The following COX6C variants were observed in gnomAD, a reference collection of about 807,000 sequenced individuals.
COX6C encodes the protein cytochrome c oxidase subunit 6C.
COX6C carries 3 observed loss-of-function variants against 6.9 expected under a neutral mutation model. The ratio of observed to expected loss-of-function variants is 0.43; its 90% CI spans 0.20 to 1.12. The LOEUF is 1.12. Among genes scored for constraint, COX6C ranks in the 50% most tolerant of loss-of-function variants. COX6C has a pLI of 0.27. For missense variants in COX6C, 101 were observed against 97.3 expected (o/e 1.04, Z -0.16); for synonymous variants, 32 against 32.0 (o/e 1.00, Z 0.00).
chr8:99,892,036 T>C lies in COX6C; in HGVS notation c.-15A>G. ...TCGGGAGCCATGGTAGTTACTGTCC[T>C]TGATACGTATGCTAACCTTAAGAGA... On this transcript the variant is annotated 5_prime_UTR_variant, in exon 2 of 4. Coordinates refer to ENST00000520468, the MANE Select transcript of COX6C (RefSeq NM_004374.4). The C allele has an allele frequency of 6.3e-7, 1 of 1,578,022 alleles. No homozygotes were observed. The highest frequency in any genetic ancestry group is 1.1e-5 in the South Asian group (1 of 88,998).
At chr8:99,884,114 A>G (rs768019641) in intron 3 of COX6C, among the ~76,000 whole-genome samples, 23 of 152,220 alleles carry the variant, frequency 1.5e-4, no homozygotes, top group Non-Finnish European at 3.2e-4. Context: ...ACTTCTATTC[A>G]TTGTAGTACT....
chr8:99,882,286 A>G (rs1180491843), intron 3 of COX6C, among the ~76,000 whole-genome samples: 1 of 152,234 alleles, frequency 6.6e-6, no homozygotes, highest in Non-Finnish European at 1.5e-5. Flanking sequence ...ATTTTTCCCA[A>G]GAGAACATGG....
At chr8:99,887,256 C>T in intron 3 of COX6C, 1 of 316,092 alleles carries the variant, frequency 3.2e-6, no homozygotes, top group Non-Finnish European at 5.8e-6. Context: ...ATGTTTCTGA[C>T]TGGGGGATGT....
At chr8:99,881,619 C>T (rs1159301260) in intron 3 of COX6C, among the ~76,000 whole-genome samples, 1 of 151,728 alleles carries the variant, frequency 6.6e-6, no homozygotes, top group Admixed American at 6.6e-5. Context: ...CCCATGGTAA[C>T]CACAAAGAAA....
chr8:99,885,802 T>C (rs1245377120), intron 3 of COX6C, among the ~76,000 whole-genome samples: 1 of 152,236 alleles, frequency 6.6e-6, no homozygotes, highest in Non-Finnish European at 1.5e-5. Context: ...TCAAAATTTC[T>C]GTGCATCAAG....
intron 2 of COX6C, among the ~76,000 whole-genome samples, chr8:99,890,410 C>T (rs1818017039): frequency 6.6e-6 from 1 of 152,232 alleles, no homozygotes; most frequent in African/African-American, 2.4e-5. Context: ...ACCTCCCCAA[C>T]TTGACTCTAA....
intron 2 of COX6C, among the ~76,000 whole-genome samples, chr8:99,888,379 T>G (rs560373044): frequency 1.3e-5 from 2 of 152,158 alleles, no homozygotes; most frequent in East Asian, 3.9e-4. Context: ...GAGACCAGCC[T>G]GGCCAACATG....
chr8:99,888,936 A>G (rs1172670614), intron 2 of COX6C, among the ~76,000 whole-genome samples: 1 of 152,194 alleles, frequency 6.6e-6, no homozygotes, highest in East Asian at 1.9e-4. Context: ...CTAGTATTCA[A>G]TCTGTGAGGT....
At chr8:99,891,542 TAAAGGAAAAG>T (rs543159564) in intron 2 of COX6C, among the ~76,000 whole-genome samples, 1 of 150,652 alleles carries the variant, frequency 6.6e-6, no homozygotes, top group Non-Finnish European at 1.5e-5. Flanking sequence ...GAAGGAAAGG[TAAAGGAAAAG>T]AAAGGGAAAG....
In COX6C at chr8:99,887,636, A is replaced by G; in HGVS notation, c.115-18T>C. ...ACACGAAACTAAAAAGCAACCATCC[A>G]TTAGAGTTTATTTTTCAGATTACTG... On this transcript the variant is annotated intron_variant, in intron 2 of 3. Transcript: ENST00000520468. The G allele has an allele frequency of 6.6e-7, 1 of 1,509,744 alleles. No individual in the cohort carries two copies. The highest frequency in any genetic ancestry group is 9.0e-7 in the Non-Finnish European group (1 of 1,108,514). The allele number at this position is 1,509,744 out of a possible 1,614,324, so 93.5% of individuals were successfully genotyped here.
At chr8:99,891,015 A>G (rs35429753) in intron 2 of COX6C, among the ~76,000 whole-genome samples, 37,246 of 152,240 alleles carry the variant, frequency 0.24, 5,684 homozygotes, top group African/African-American at 0.43. Context: ...ATGATTTAAA[A>G]TATCGTCAGG....
intron 3 of COX6C, among the ~76,000 whole-genome samples, chr8:99,882,228 CA>C (rs979701516): frequency 1.3e-5 from 2 of 152,136 alleles, no homozygotes; most frequent in African/African-American, 2.4e-5. Flanking sequence ...AACAACACTA[CA>C]AATCAACTGG....
At chr8:99,888,952 C>A (rs1402137557) in intron 2 of COX6C, among the ~76,000 whole-genome samples, 1 of 152,202 alleles carries the variant, frequency 6.6e-6, no homozygotes, top group East Asian at 1.9e-4. Context: ...GAGGTGGGGG[C>A]CTGTTAGCAG....
intron 2 of COX6C, among the ~76,000 whole-genome samples, chr8:99,891,450 G>A (rs1300955726): frequency 6.6e-6 from 1 of 152,028 alleles, no homozygotes; most frequent in Non-Finnish European, 1.5e-5. Context: ...CCCAGGTACC[G>A]GGAGACAGAG....
At chr8:99,884,809 G>C (rs1299854951) in intron 3 of COX6C, among the ~76,000 whole-genome samples, 1 of 152,008 alleles carries the variant, frequency 6.6e-6, no homozygotes, top group Non-Finnish European at 1.5e-5. Flanking sequence ...AACACTAAAA[G>C]AAATTAAAGA....
At chr8:99,883,652 G>A (rs926237681) in intron 3 of COX6C, among the ~76,000 whole-genome samples, 1 of 151,866 alleles carries the variant, frequency 6.6e-6, no homozygotes, top group Admixed American at 6.6e-5. Flanking sequence ...AAACAGTGAG[G>A]AAAAGGGAAC....
rs981345737 is a variant in COX6C at position 99,891,776 on chromosome 8, T to C, written c.114+132A>G. The C allele has an allele frequency of 2.1e-5, 16 of 767,896 alleles. No individual in the cohort carries two copies. In the African/African-American group the frequency reaches 2.6e-4, roughly 12 times the overall value. 47.6% of individuals were successfully genotyped at this position (767,896 alleles called of 1,614,324 possible). On this transcript the variant is annotated intron_variant, in intron 2 of 3. Coordinates refer to ENST00000520468, the MANE Select transcript of COX6C (RefSeq NM_004374.4). Reference sequence around the variant, plus strand: ...TTTAAAGATGGAGGACAAGCTATAGTTCCTGTCACACTGAGGTGAGTGCAG... The same window carrying C: ...TTTAAAGATGGAGGACAAGCTATAGCTCCTGTCACACTGAGGTGAGTGCAG...
At chr8:99,889,819 G>A (rs1457993705) in intron 2 of COX6C, among the ~76,000 whole-genome samples, 9 of 151,912 alleles carry the variant, frequency 5.9e-5, no homozygotes, top group East Asian at 4.0e-4. Context: ...GACCGGGTGC[G>A]GTGGCTCACG....
At chr8:99,886,924 T>C (rs1198758931) in intron 3 of COX6C, 1 of 152,210 alleles carries the variant, frequency 6.6e-6, no homozygotes, top group African/African-American at 2.4e-5. Context: ...TGCACAACAA[T>C]GTGAATGAAC....
Sources: allele counts gnomAD v4.1 joint callset (sites outside exome capture counted in the v4.1 genomes callset), GRCh38; gene constraint gnomAD v4.1.1; transcripts MANE v1.5; gene names NCBI Gene and HGNC (gene_info 2026-07-23, HGNC 2026-07-21).